MAML2: variants seen among roughly 807,000 people sequenced by gnomAD.
MAML2 encodes mastermind-like protein 2.
Under a neutral mutation model 96.1 loss-of-function variants are expected in MAML2, and 22 were observed. The observed-to-expected ratio is 0.23, with a 90% confidence interval of 0.16 to 0.33. The LOEUF is 0.33. Among genes scored for constraint, MAML2 ranks in the 10% least tolerant of loss-of-function variants. The probability of loss-of-function intolerance (pLI) is 1.00; values close to 1 mark genes in which losing one functional copy is unlikely to be tolerated. For synonymous variants in MAML2, 561 were observed against 521.3 expected, an observed-to-expected ratio of 1.08 and a Z score of -1.04; for missense variants, 1,367 against 1,392.4, an observed-to-expected ratio of 0.98 and a Z score of 0.29.
At chr11:96,174,202 C>T (rs897094334) in intron 1 of MAML2, among the ~76,000 whole-genome samples, 2 of 152,092 alleles carry the variant, frequency 1.3e-5, no homozygotes, top group Non-Finnish European at 2.9e-5. Flanking sequence ...GTCATGAGGT[C>T]ACATAAGATC....
chr11:96,195,022 G>A (rs1292025458), intron 1 of MAML2, among the ~76,000 whole-genome samples: 1 of 152,146 alleles, frequency 6.6e-6, no homozygotes, highest in Non-Finnish European at 1.5e-5. Flanking sequence ...GTGTCTATGA[G>A]GGCAAATGAA....
At chr11:96,259,565 G>A (rs1862719616) in intron 1 of MAML2, among the ~76,000 whole-genome samples, 2 of 152,194 alleles carry the variant, frequency 1.3e-5, no homozygotes, top group African/African-American at 4.8e-5. Flanking sequence ...CTGTGGGTAT[G>A]CTGGAGAAAA....
chr11:96,168,357 T>C (rs1591051326), intron 1 of MAML2, among the ~76,000 whole-genome samples: 1 of 152,206 alleles, frequency 6.6e-6, no homozygotes, highest in Non-Finnish European at 1.5e-5. Context: ...TATTTAAATG[T>C]AAGATCTATC....
At chr11:96,211,493 A>G (rs1861971112) in intron 1 of MAML2, among the ~76,000 whole-genome samples, 1 of 152,040 alleles carries the variant, frequency 6.6e-6, no homozygotes, top group African/African-American at 2.4e-5. Flanking sequence ...GATGAGCTCA[A>G]AGTCTGTTGG....
intron 1 of MAML2, among the ~76,000 whole-genome samples, chr11:96,155,931 C>T (rs1204386062): frequency 6.6e-6 from 1 of 152,088 alleles, no homozygotes; most frequent in Non-Finnish European, 1.5e-5. Context: ...TAAAAGAAAA[C>T]ACAGCACATA....
intron 1 of MAML2, among the ~76,000 whole-genome samples, chr11:96,336,098 C>T (rs986494696): frequency 1.3e-5 from 2 of 152,056 alleles, no homozygotes; most frequent in East Asian, 1.9e-4. Context: ...AATACTGATG[C>T]CAAGAAAATA....
rs371869799 is a variant in MAML2 at position 96,243,802 on chromosome 11, C to T, written c.513+97581G>A. ...CCGAGTAGCTGGGACTACAGGCGCA[C>T]GCCACCACGCCTGGCTAATTTTTTG... On this transcript the variant is annotated intron_variant, in intron 1 of 4. Coordinates refer to ENST00000524717, the MANE Select transcript of MAML2 (RefSeq NM_032427.4). Among the ~76,000 whole-genome samples, 11 of 152,198 alleles carry T rather than the reference C, an allele frequency of 7.2e-5. No homozygotes were observed. In the East Asian group the frequency reaches 1.2e-3, roughly 16 times the overall value.
At chr11:96,015,657 T>C (rs528613319) in intron 2 of MAML2, among the ~76,000 whole-genome samples, 2 of 151,266 alleles carry the variant, frequency 1.3e-5, no homozygotes, top group African/African-American at 2.4e-5. Context: ...AGATCCTTTA[T>C]GCCATGGGGA....
At chr11:96,052,740 G>A (rs1445482124) in intron 2 of MAML2, among the ~76,000 whole-genome samples, 1 of 152,202 alleles carries the variant, frequency 6.6e-6, no homozygotes, top group Non-Finnish European at 1.5e-5. Context: ...ACAAAGAACA[G>A]AGAAATGCTC....
intron 1 of MAML2, among the ~76,000 whole-genome samples, chr11:96,197,318 A>T (rs1410449868): frequency 6.6e-6 from 1 of 152,186 alleles, no homozygotes; most frequent in Non-Finnish European, 1.5e-5. Flanking sequence ...TAGAAAATAA[A>T]TCTGGGTCAC....
intron 1 of MAML2, among the ~76,000 whole-genome samples, chr11:96,104,848 G>C (rs1365540573): frequency 6.6e-6 from 1 of 151,954 alleles, no homozygotes; most frequent in Non-Finnish European, 1.5e-5. Context: ...GCAATGAAAG[G>C]GGGAGGGAGA....
intron 1 of MAML2, among the ~76,000 whole-genome samples, chr11:96,255,297 T>C (rs1425743848): frequency 1.3e-5 from 2 of 152,226 alleles, no homozygotes; most frequent in African/African-American, 4.8e-5. Context: ...AGAGCTCATA[T>C]TGATTGAATG....
chr11:96,241,529 T>C (rs1862437762), intron 1 of MAML2, among the ~76,000 whole-genome samples: 4 of 152,008 alleles, frequency 2.6e-5, no homozygotes, highest in Admixed American at 2.0e-4. Flanking sequence ...TGCTGGTAAA[T>C]ATCTTATAAT....
chr11:96,037,970 C>T lies in MAML2; in HGVS notation c.2140-46247G>A, dbSNP rs555442445. On this transcript the variant is annotated intron_variant, in intron 2 of 4. Coordinates refer to ENST00000524717, the MANE Select transcript of MAML2 (RefSeq NM_032427.4). ...GCTGTGAAAATAGGTATTACATTAA[C>T]GTACTAAAGAGAATGTTGAAAATCC... 2.4e-4 allele frequency among the ~76,000 whole-genome samples: 37 copies of T among 152,156 alleles called. 1 individual carries two copies. The South Asian group carries it at 7.0e-3, about 29-fold the overall frequency.
At chr11:96,224,098 T>G (rs530402320) in intron 1 of MAML2, among the ~76,000 whole-genome samples, 1 of 152,220 alleles carries the variant, frequency 6.6e-6, no homozygotes, top group Non-Finnish European at 1.5e-5. Context: ...TTATTTCAAC[T>G]ATTTAAGCCT....
At chr11:96,185,464 C>T (rs1157595127) in intron 1 of MAML2, among the ~76,000 whole-genome samples, 5 of 152,114 alleles carry the variant, frequency 3.3e-5, no homozygotes, top group East Asian at 1.9e-4. Context: ...GGAGGCTGAG[C>T]GCTGGGTCTT....
At chr11:96,060,363 G>A (rs1288388848) in intron 2 of MAML2, among the ~76,000 whole-genome samples, 1 of 151,960 alleles carries the variant, frequency 6.6e-6, no homozygotes, top group East Asian at 1.9e-4. Context: ...CTATTCTTGT[G>A]TTATTTAAAA....
At chr11:96,191,532 T>C (rs1469082809) in intron 1 of MAML2, among the ~76,000 whole-genome samples, 1 of 150,540 alleles carries the variant, frequency 6.6e-6, no homozygotes, top group Non-Finnish European at 1.5e-5. Flanking sequence ...CCCAGCACTT[T>C]GGGAGGCTGA....
chr11:96,017,791 G>A (rs988076105), intron 2 of MAML2, among the ~76,000 whole-genome samples: 3 of 152,150 alleles, frequency 2.0e-5, no homozygotes, highest in Non-Finnish European at 4.4e-5. Flanking sequence ...GCAGGCCACT[G>A]TGCTGCTGTG....
Sources: allele counts gnomAD v4.1 joint callset (sites outside exome capture counted in the v4.1 genomes callset), GRCh38; gene constraint gnomAD v4.1.1; transcripts MANE v1.5; gene names NCBI Gene and HGNC (gene_info 2026-07-23, HGNC 2026-07-21).